IMMP2L: variants seen among roughly 807,000 people sequenced by gnomAD.
The protein encoded by IMMP2L is mitochondrial inner membrane protease subunit 2.
Under a neutral mutation model 19.3 loss-of-function variants are expected in IMMP2L, and 18 were observed. The observed-to-expected ratio is 0.93, with a 90% CI of 0.64 to 1.38. The LOEUF (loss-of-function observed/expected upper bound fraction) is 1.38, where lower values mean the gene tolerates loss of function less well. Among genes scored for constraint, IMMP2L ranks in the 40% most tolerant of loss-of-function variants. The probability of loss-of-function intolerance (pLI) is 0.00; values close to 1 mark genes in which losing one functional copy is unlikely to be tolerated. For synonymous variants in IMMP2L, 76 were observed against 73.0 expected (o/e 1.04, Z -0.21); for missense variants, 233 against 218.2 (o/e 1.07, Z -0.43).
At chr7:111,516,904 G>A (rs976604639) in intron 2 of IMMP2L, among the ~76,000 whole-genome samples, 1 of 152,056 alleles carries the variant, frequency 6.6e-6, no homozygotes, top group African/African-American at 2.4e-5. Flanking sequence ...AGTCAGCACA[G>A]GAGGAAATGT....
At chr7:111,444,159 T>C (rs931674541) in intron 3 of IMMP2L, among the ~76,000 whole-genome samples, 1 of 152,164 alleles carries the variant, frequency 6.6e-6, no homozygotes, top group Non-Finnish European at 1.5e-5. Flanking sequence ...ATCCTTCATG[T>C]TTTTCTTCAT....
chr7:110,677,479 C>G (rs1453458975), intron 5 of IMMP2L, among the ~76,000 whole-genome samples: 1 of 151,986 alleles, frequency 6.6e-6, no homozygotes, highest in Non-Finnish European at 1.5e-5. Flanking sequence ...TCTACTTACA[C>G]ATTCCCACGA....
chr7:110,936,331 A>G (rs259021), intron 4 of IMMP2L, among the ~76,000 whole-genome samples: 2 of 151,930 alleles, frequency 1.3e-5, no homozygotes, highest in African/African-American at 2.4e-5. Context: ...AGAATCTACA[A>G]GAAATGTAAA....
At chr7:110,676,097 A>G (rs946013205) in intron 5 of IMMP2L, among the ~76,000 whole-genome samples, 2 of 152,238 alleles carry the variant, frequency 1.3e-5, no homozygotes, top group African/African-American at 4.8e-5. Flanking sequence ...CTAGTAAATG[A>G]TAGAAGCAAG....
At chr7:111,300,977 T>C (rs1822165441) in intron 3 of IMMP2L, among the ~76,000 whole-genome samples, 3 of 152,126 alleles carry the variant, frequency 2.0e-5, no homozygotes, top group Admixed American at 2.0e-4. Flanking sequence ...TGCTGGGTCG[T>C]ATGGTAATTG....
At position 110,746,181 on chromosome 7, in the gene IMMP2L, G is replaced by A. The variant is rs575013603; in HGVS notation, c.409-82460C>T. 1.1e-4 allele frequency among the ~76,000 whole-genome samples: 16 copies of A among 152,196 alleles called. No homozygotes were observed. In the South Asian group the frequency reaches 3.3e-3, roughly 32 times the overall value. The stretch of plus-strand genomic sequence containing the variant: ...AGAAGGACATTACATAATGGGAAAG[G>A]GATCAATGCAACAAGAAGAGCTAAG... On this transcript the variant is annotated intron_variant, in intron 5 of 5. Transcript: ENST00000405709.
chr7:111,172,686 ACTCT>A (rs1806583822), intron 3 of IMMP2L, among the ~76,000 whole-genome samples: 4 of 150,992 alleles, frequency 2.6e-5, no homozygotes, highest in Non-Finnish European at 4.4e-5. Context: ...CCACTATTCT[ACTCT>A]CTATTTCTAT....
At chr7:110,973,855 G>A (rs1397209388) in intron 3 of IMMP2L, among the ~76,000 whole-genome samples, 1 of 152,080 alleles carries the variant, frequency 6.6e-6, no homozygotes, top group African/African-American at 2.4e-5. Flanking sequence ...ACATTTCACA[G>A]ACTCTGAAAC....
chr7:111,224,601 T>C (rs1418215321), intron 3 of IMMP2L, among the ~76,000 whole-genome samples: 1 of 152,156 alleles, frequency 6.6e-6, no homozygotes, highest in African/African-American at 2.4e-5. Context: ...ATACTGTGTG[T>C]TGCTGTTTTC....
intron 5 of IMMP2L, among the ~76,000 whole-genome samples, chr7:110,829,656 G>A (rs114828230): frequency 8.5e-5 from 13 of 152,080 alleles, no homozygotes; most frequent in Non-Finnish European, 1.5e-4. Context: ...AGTACTAAAT[G>A]GCATGAATAG....
At chr7:111,249,115 C>A (rs1815730835) in intron 3 of IMMP2L, among the ~76,000 whole-genome samples, 1 of 65,562 alleles carries the variant, frequency 1.5e-5, no homozygotes, top group African/African-American at 7.2e-5. Flanking sequence ...TGCCCCTCCC[C>A]CAGCCTCGTT....
chr7:111,096,063 T>G (rs999406569), intron 3 of IMMP2L, among the ~76,000 whole-genome samples: 72 of 152,124 alleles, frequency 4.7e-4, no homozygotes, highest in African/African-American at 1.7e-3. Flanking sequence ...AGTAATTAAT[T>G]GACTCAACTT....
chr7:111,204,572 T>C (rs950185767), intron 3 of IMMP2L, among the ~76,000 whole-genome samples: 7 of 152,166 alleles, frequency 4.6e-5, no homozygotes, highest in African/African-American at 1.7e-4. Context: ...CCATAAAAAT[T>C]CTGTACTATA....
intron 5 of IMMP2L, among the ~76,000 whole-genome samples, chr7:110,813,826 C>T (rs1020731178): frequency 3.3e-5 from 5 of 151,552 alleles, no homozygotes; most frequent in African/African-American, 1.2e-4. Context: ...AGTTCCATCA[C>T]CCAATTTGTA....
chr7:111,522,938 T>TATATATGTATATATATATATACA (rs199823915), intron 1 of IMMP2L, among the ~76,000 whole-genome samples: 1 of 148,776 alleles, frequency 6.7e-6, no homozygotes, highest in African/African-American at 2.6e-5. Flanking sequence ...TATATATATA[T>TATATATGTATATATATATATACA]TATTTCACCA....
At chr7:111,462,205 A>T (rs898023538) in intron 3 of IMMP2L, among the ~76,000 whole-genome samples, 10 of 152,094 alleles carry the variant, frequency 6.6e-5, no homozygotes, top group Non-Finnish European at 1.0e-4. Flanking sequence ...TACACATGTC[A>T]ATTTCCAGCT....
At chr7:111,129,313 T>C (rs968921354) in intron 3 of IMMP2L, among the ~76,000 whole-genome samples, 10 of 151,952 alleles carry the variant, frequency 6.6e-5, no homozygotes, top group African/African-American at 2.2e-4. Context: ...ATTGTGGCTA[T>C]ATTTTCTTTG....
chr7:111,459,934 T>C (rs1465046302), intron 3 of IMMP2L, among the ~76,000 whole-genome samples: 1 of 152,128 alleles, frequency 6.6e-6, no homozygotes, highest in Non-Finnish European at 1.5e-5. Context: ...GAAATGAAGC[T>C]GACTTGGAAA....
At chr7:111,202,650 C>T (rs1398355900) in intron 3 of IMMP2L, among the ~76,000 whole-genome samples, 1 of 152,102 alleles carries the variant, frequency 6.6e-6, no homozygotes, top group African/African-American at 2.4e-5. Flanking sequence ...TAAAATATAA[C>T]ATCAAAGGAA....
Sources: gnomAD v4.1 joint callset for allele counts (sites outside exome capture counted in the v4.1 genomes callset) on GRCh38, gnomAD v4.1.1 for gene constraint, MANE v1.5 for transcripts, NCBI Gene and HGNC (gene_info 2026-07-23, HGNC 2026-07-21) for gene names.